Variants in ADK observed in about 807,000 individuals in gnomAD.
ADK encodes N6,N6-dimethyladenosine kinase.
Under a neutral mutation model 44.7 loss-of-function variants are expected in ADK, and 24 were observed. The ratio of observed to expected loss-of-function variants is 0.54; its 90% confidence interval spans 0.39 to 0.76. ADK has a LOEUF of 0.76. Ranked by LOEUF, ADK falls within the 30% of genes least tolerant of loss-of-function variation. ADK has a pLI of 0.00. For missense variants in ADK, 321 were observed against 425.1 expected (o/e 0.76, Z 2.15); for synonymous variants, 128 against 142.6 (o/e 0.90, Z 0.73).
At chr10:74,589,143 T>C in intron 7 of ADK, 139 bp from the exon 8 acceptor site, 1 of 736,788 alleles carries the variant, frequency 1.4e-6, no homozygotes, top group Admixed American at 2.6e-5. Context: ...TCTTTATTGC[T>C]GTAAGAATAA....
intron 6 of ADK, among the ~76,000 whole-genome samples, chr10:74,485,654 C>T (rs1012121351): frequency 3.3e-5 from 5 of 151,852 alleles, no homozygotes; most frequent in African/African-American, 9.7e-5. Context: ...ATACAAATTC[C>T]CTACTATCCC....
Position 74,661,403 on chromosome 10 carries a change from ACT to A in ADK, c.878-8777_878-8776del, listed in dbSNP as rs1854721327. 3 of 337,444 alleles carry A rather than the reference ACT, an allele frequency of 8.9e-6. No individual in the cohort carries two copies. In the South Asian group the frequency reaches 3.6e-4, roughly 41 times the overall value. The allele number at this position is 337,444 out of a possible 1,614,324, so 20.9% of individuals were successfully genotyped here. On this transcript the variant is annotated intron_variant, in intron 9 of 10. Coordinates refer to ENST00000539909, the MANE Select transcript of ADK (RefSeq NM_006721.4). ...CCATGGGACTCTAGGCAGTTGACAA[ACT>A]CTGTGAGCCTCAGAGTCATCATTTA...
intron 7 of ADK, among the ~76,000 whole-genome samples, chr10:74,560,911 A>G (rs958146975): frequency 6.6e-6 from 1 of 152,198 alleles, no homozygotes; most frequent in Non-Finnish European, 1.5e-5. Flanking sequence ...TCCTATTTTT[A>G]AAGAGCTCAT....
intron 9 of ADK, among the ~76,000 whole-genome samples, chr10:74,612,752 A>C (rs1056278839): frequency 6.6e-6 from 1 of 151,982 alleles, no homozygotes; most frequent in Admixed American, 6.6e-5. Context: ...GGATTTTTAT[A>C]GTTTGAGGTT....
At chr10:74,596,139 A>G (rs1371624062) in intron 8 of ADK, among the ~76,000 whole-genome samples, 1 of 151,984 alleles carries the variant, frequency 6.6e-6, no homozygotes, top group Middle Eastern at 3.2e-3. Context: ...TGAACATGCT[A>G]TAGTTTTGTG....
At chr10:74,589,152 A>G in intron 7 of ADK, 130 bp from the exon 8 acceptor site, 1 of 782,950 alleles carries the variant, frequency 1.3e-6, no homozygotes, top group Non-Finnish European at 2.1e-6. Flanking sequence ...CTGTAAGAAT[A>G]AAAATTGAAC....
chr10:74,519,550 A>C (rs1429642576), intron 6 of ADK, among the ~76,000 whole-genome samples: 1 of 151,938 alleles, frequency 6.6e-6, no homozygotes, highest in Non-Finnish European at 1.5e-5. Context: ...TACACTGATA[A>C]GTTTATGAAT....
rs150248295 is a variant in ADK at position 74,287,858 on chromosome 10, T to C, written c.195-26809T>C. On this transcript the variant is annotated intron_variant, in intron 3 of 10. Transcript: ENST00000539909. ...TTAGCTGGGCATGGTGGTACATGCTTGTAATCCCAGCTACTCAGGAAGCTA... is the reference window on the plus strand; with the variant it reads ...TTAGCTGGGCATGGTGGTACATGCTCGTAATCCCAGCTACTCAGGAAGCTA... Among the ~76,000 whole-genome samples, 371 of 151,828 alleles carry C rather than the reference T, an allele frequency of 2.4e-3. 2 individuals are homozygous for C. Among genetic ancestry groups the C allele is most frequent in the African/African-American group, 8.5e-3 (354 of 41,416 alleles).
intron 7 of ADK, among the ~76,000 whole-genome samples, chr10:74,549,861 G>T (rs1056622658): frequency 6.6e-6 from 1 of 152,108 alleles, no homozygotes; most frequent in Non-Finnish European, 1.5e-5. Context: ...TTATAATGGG[G>T]CTTTTAATAG....
intron 6 of ADK, among the ~76,000 whole-genome samples, chr10:74,464,449 G>A (rs1846280027): frequency 6.6e-6 from 1 of 152,046 alleles, no homozygotes; most frequent in African/African-American, 2.4e-5. Context: ...TACTTGGGAG[G>A]CTGAAGCAAG....
At chr10:74,704,910 C>G (rs1467753386) in intron 10 of ADK, among the ~76,000 whole-genome samples, 1 of 152,194 alleles carries the variant, frequency 6.6e-6, no homozygotes, top group African/African-American at 2.4e-5. Context: ...TGACTTTTGA[C>G]TGTTACCTGA....
chr10:74,683,314 C>G (rs1391415995), intron 10 of ADK, among the ~76,000 whole-genome samples: 1 of 152,288 alleles, frequency 6.6e-6, no homozygotes, highest in South Asian at 2.1e-4. Context: ...TATGTACTAC[C>G]ACCAGTCAGG....
rs548391209 is a variant in ADK, at chr10:74,691,707, A to G, written c.965-16614A>G. Among the ~76,000 whole-genome samples the G allele has an allele frequency of 3.1e-4, 16 of 52,070 alleles. 1 individual carries two copies. The highest frequency in any genetic ancestry group is 1.9e-3 in the African/African-American group (16 of 8,524). 34.2% of individuals were successfully genotyped at this position (52,070 alleles called of 152,430 possible). ...AACATACAACAAAGTAAGTTGACAA[A>G]GCACGCAACAGATCAATGAGTTTGG... On this transcript the variant is annotated intron_variant, in intron 10 of 10. Transcript: ENST00000539909.
intron 6 of ADK, among the ~76,000 whole-genome samples, chr10:74,430,458 T>G (rs1413704891): frequency 6.6e-6 from 1 of 152,158 alleles, no homozygotes; most frequent in African/African-American, 2.4e-5. Flanking sequence ...AGTTTTTGTA[T>G]GAACACCAAT....
At chr10:74,581,728 T>C (rs1410735904) in intron 7 of ADK, among the ~76,000 whole-genome samples, 3 of 152,084 alleles carry the variant, frequency 2.0e-5, no homozygotes, top group Non-Finnish European at 4.4e-5. Flanking sequence ...GAAACAAAGA[T>C]AAGAATAGCA....
chr10:74,330,720 C>T (rs973594989), intron 4 of ADK, among the ~76,000 whole-genome samples: 4 of 152,270 alleles, frequency 2.6e-5, no homozygotes, highest in Non-Finnish European at 2.9e-5. Flanking sequence ...AGCCTTCCAG[C>T]GGCAACCAGC....
intron 5 of ADK, among the ~76,000 whole-genome samples, chr10:74,396,960 A>C: frequency 7.0e-6 from 1 of 142,008 alleles, no homozygotes; most frequent in African/African-American, 2.6e-5. Context: ...CTTCATCTGG[A>C]AAAAAAAAAA....
chr10:74,368,139 T>C (rs1842550654), intron 4 of ADK, among the ~76,000 whole-genome samples: 1 of 152,160 alleles, frequency 6.6e-6, no homozygotes. Context: ...GAACAATAAT[T>C]CTGCAGGAGG....
intron 6 of ADK, among the ~76,000 whole-genome samples, chr10:74,473,966 C>A (rs1846712014): frequency 6.6e-6 from 1 of 151,854 alleles, no homozygotes; most frequent in African/African-American, 2.4e-5. Context: ...AAAGTTTTAC[C>A]CACTGATTTA....
Sources: gnomAD v4.1 joint callset for allele counts (sites outside exome capture counted in the v4.1 genomes callset) on GRCh38, gnomAD v4.1.1 for gene constraint, MANE v1.5 for transcripts, NCBI Gene and HGNC (gene_info 2026-07-23, HGNC 2026-07-21) for gene names.